CAPN14: variants seen among roughly 807,000 people sequenced by gnomAD.
CAPN14 encodes calpain 14, also known as calpain-14.
A neutral mutation model predicts 101.3 loss-of-function variants in CAPN14; 94 were observed. The observed-to-expected ratio is 0.93, with a 90% CI of 0.79 to 1.10. The LOEUF is 1.10. Ranked by LOEUF, CAPN14 falls within the 50% of genes least tolerant of loss-of-function variation. CAPN14 has a pLI of 0.00. For missense variants in CAPN14, 837 were observed against 828.4 expected, an observed-to-expected ratio of 1.01 and a Z score of -0.13; for synonymous variants, 338 against 317.9, an observed-to-expected ratio of 1.06 and a Z score of -0.67.
intron 1 of CAPN14, among the ~76,000 whole-genome samples, chr2:31,214,648 C>G (rs529388884): frequency 6.6e-6 from 1 of 152,264 alleles, no homozygotes; most frequent in African/African-American, 2.4e-5. Context: ...GCTGTTGGAG[C>G]TCCCTACTCA....
intron 16 of CAPN14, among the ~76,000 whole-genome samples, chr2:31,181,274 C>T (rs1336120286): frequency 2.0e-5 from 3 of 152,050 alleles, no homozygotes; most frequent in African/African-American, 4.8e-5. Flanking sequence ...CTAGGGAGGG[C>T]CAGGATCATA....
intron 15 of CAPN14, among the ~76,000 whole-genome samples, chr2:31,187,337 G>A (rs1680945014): frequency 6.6e-6 from 1 of 151,860 alleles, no homozygotes. Flanking sequence ...CTTCTCTCCA[G>A]GTGACCACTC....
intron 2 of CAPN14, among the ~76,000 whole-genome samples, chr2:31,223,709 T>C (rs968580981): frequency 6.6e-6 from 1 of 151,958 alleles, no homozygotes; most frequent in African/African-American, 2.4e-5. Context: ...TTTGTATTTT[T>C]AGTAGAGATG....
intron 1 of CAPN14, among the ~76,000 whole-genome samples, chr2:31,210,586 T>C (rs2148698309): frequency 6.6e-6 from 1 of 152,350 alleles, no homozygotes; most frequent in South Asian, 2.1e-4. Flanking sequence ...CTTATTTTCA[T>C]TTTAAAATCC....
intron 18 of CAPN14, 130 bp downstream of exon 18, chr2:31,178,381 A>G: frequency 1.4e-6 from 1 of 707,600 alleles, no homozygotes; most frequent in Admixed American, 2.4e-5. Context: ...TGCTCACCGA[A>G]GGGAGAATAG....
At chr2:31,177,954 C>A in intron 18 of CAPN14, 133 bp from the exon 19 acceptor site, 1 of 684,594 alleles carries the variant, frequency 1.5e-6, no homozygotes, top group South Asian at 1.7e-5. Context: ...GGGCCTGTTG[C>A]CAGGATAAGA....
rs979380945 is a variant in CAPN14 at position 31,205,282 on chromosome 2, T to C, written c.166A>G (p.Ile56Val). ...DTSFPATLSSIGSGSLLQKLP... is the reference protein window; with the variant it reads ...DTSFPATLSSVGSGSLLQKLP... ...TTCTGCAGCAGGGAGCCACTGCCGA[T>C]GGAGCTCAGGGTGGCCGGGAAGCTG... The change falls in exon 2 of 22, where the codon ATC (isoleucine) becomes GTC (valine). Residue 56 changes from isoleucine (I) to valine (V), a missense_variant. Physicochemically the swap from Ile to Val is conservative, Grantham distance 29. Transcript: ENST00000403897. 4.9e-5 allele frequency: 76 copies of C among 1,550,072 alleles called. No individual in the cohort carries two copies. The highest frequency in any genetic ancestry group is 6.5e-5 in the Non-Finnish European group (74 of 1,146,986).
At chr2:31,224,459 G>A (rs1682961333) in intron 2 of CAPN14, among the ~76,000 whole-genome samples, 1 of 151,912 alleles carries the variant, frequency 6.6e-6, no homozygotes, top group Admixed American at 6.6e-5. Flanking sequence ...GTTGAGGTGG[G>A]GAGAGAAAAA....
Position 31,176,198 on chromosome 2 carries a change from G to T in CAPN14, c.2028+389C>A, listed in dbSNP as rs147669659. Among the ~76,000 whole-genome samples, 945 of 152,286 alleles carry T rather than the reference G, an allele frequency of 6.2e-3. 11 individuals are homozygous for T. The highest frequency in any genetic ancestry group is 0.022 in the African/African-American group (904 of 41,544). On this transcript the variant is annotated intron_variant, in intron 21 of 21. Transcript: ENST00000403897. ...AACAAACCTAGGCAGAGTTTCCTCA[G>T]TTCAGGTACCCAGCAAAACCCTCAG...
intron 1 of CAPN14, among the ~76,000 whole-genome samples, chr2:31,213,130 G>A (rs981175637): frequency 1.3e-5 from 2 of 152,212 alleles, no homozygotes; most frequent in Admixed American, 6.5e-5. Context: ...TGGCCATGGA[G>A]TGCTGGGTTT....
At chr2:31,201,255 A>C (rs1313158395) in intron 5 of CAPN14, among the ~76,000 whole-genome samples, 2 of 151,598 alleles carry the variant, frequency 1.3e-5, no homozygotes. Context: ...GTGTATGTGC[A>C]TGCGTGTGTG....
At chr2:31,229,737 T>C (rs1220698009) in intron 1 of CAPN14, among the ~76,000 whole-genome samples, 2 of 150,388 alleles carry the variant, frequency 1.3e-5, no homozygotes, top group Admixed American at 6.6e-5. Context: ...ATATATAGTA[T>C]ATAGCTGAAG....
upstream of CAPN14, among the ~76,000 whole-genome samples, chr2:31,219,074 G>C (rs1199843423): frequency 1.3e-5 from 2 of 151,886 alleles, no homozygotes; most frequent in Admixed American, 1.3e-4. Flanking sequence ...TCCAGGTGGG[G>C]GGCTTCCGCT....
In CAPN14 at chr2:31,205,370, G is replaced by A. The variant is rs747295715; in HGVS notation, c.78C>T (p.Pro26=). The change falls in exon 2 of 22, where the codon CCC becomes CCT. Residue 26 remains proline, a synonymous_variant. Transcript: ENST00000403897. The stretch of plus-strand genomic sequence containing the variant: ...CCAGCAGGGCCTCAAAGTCCTGTTG[G>A]GGTTGCTGTGGAGACGCCCTCCTAG... ...RYSRRASPQQ[P]QQDFEALLAE... The A allele has an allele frequency of 3.2e-6, 5 of 1,551,442 alleles. No individual in the cohort carries two copies. The East Asian group carries it at 1.2e-4, about 38-fold the overall frequency.
Position 31,174,559 on chromosome 2 carries a change from T to G in CAPN14, c.*122A>C. The stretch of plus-strand genomic sequence containing the variant: ...AGAGAAACCTTCCCAGCTGAGAAGG[T>G]GACGGCTAGTGAGGCTGTCCTGAAG... On this transcript the variant is annotated 3_prime_UTR_variant, in exon 22 of 22. Transcript: ENST00000403897. 1.0e-6 allele frequency: 1 copy of G among 1,000,646 alleles called. No individual in the cohort carries two copies. Among genetic ancestry groups the G allele is most frequent in the Non-Finnish European group, 1.5e-6 (1 of 660,616 alleles). The allele number at this position is 1,000,646 out of a possible 1,614,324, so 62.0% of individuals were successfully genotyped here.
At chr2:31,189,885 T>G (rs1023738976) in intron 12 of CAPN14, among the ~76,000 whole-genome samples, 1 of 152,090 alleles carries the variant, frequency 6.6e-6, no homozygotes, top group African/African-American at 2.4e-5. Flanking sequence ...GTTCCAATGC[T>G]CCTGTTCTTT....
chr2:31,174,805 T>C, intron 21 of CAPN14, 98 bp from the exon 22 acceptor site: 9 of 1,158,806 alleles, frequency 7.8e-6, no homozygotes, highest in Admixed American at 2.0e-5. Context: ...AGACAGAACA[T>C]TAATGGATGG....
chr2:31,187,151 T>C (rs1313635352), intron 15 of CAPN14, among the ~76,000 whole-genome samples: 1 of 152,190 alleles, frequency 6.6e-6, no homozygotes, highest in Non-Finnish European at 1.5e-5. Context: ...ACCCCAGATT[T>C]CCAGTATGTT....
intron 5 of CAPN14, among the ~76,000 whole-genome samples, chr2:31,201,096 T>C (rs1309458272): frequency 4.1e-5 from 6 of 147,760 alleles, no homozygotes; most frequent in African/African-American, 1.5e-4. Flanking sequence ...TGTGTGCATG[T>C]GTGTGTGTGC....
Sources: allele counts gnomAD v4.1 joint callset (sites outside exome capture counted in the v4.1 genomes callset), GRCh38; gene constraint gnomAD v4.1.1; transcripts MANE v1.5; gene names NCBI Gene and HGNC (gene_info 2026-07-23, HGNC 2026-07-21).